MS4A4E: variants seen among roughly 807,000 people sequenced by gnomAD.
The protein encoded by MS4A4E is membrane spanning 4-domains A4E.
A neutral mutation model predicts 13.3 loss-of-function variants in MS4A4E; 23 were observed. That is an observed-to-expected ratio of 1.73 (90% confidence interval 1.25 to 2.45). The LOEUF (loss-of-function observed/expected upper bound fraction) is 2.45. MS4A4E is among the 30% of genes most tolerant of loss of function. MS4A4E has a pLI of 0.00. For synonymous variants in MS4A4E, 36 were observed against 45.6 expected (o/e 0.79, Z 0.85); for missense variants, 144 against 131.2 (o/e 1.10, Z -0.48).
intron 3 of MS4A4E, chr11:60,224,868 A>G: frequency 9.1e-7 from 1 of 1,094,018 alleles, no homozygotes; most frequent in Non-Finnish European, 1.2e-6. Context: ...TCAAATTTAC[A>G]GAATTACAAG....
chr11:60,215,621 A>T (rs572736439), intron 3 of MS4A4E, among the ~76,000 whole-genome samples: 4 of 150,796 alleles, frequency 2.7e-5, no homozygotes, highest in African/African-American at 9.7e-5. Context: ...TTTAATGATT[A>T]AAAAAAAAGT....
intron 8 of MS4A4E, among the ~76,000 whole-genome samples, chr11:60,202,933 G>A (rs1020110951): frequency 6.6e-6 from 1 of 152,084 alleles, no homozygotes; most frequent in Middle Eastern, 3.2e-3. Context: ...AGATTATTCT[G>A]GTATTAAATT....
intron 5 of MS4A4E, among the ~76,000 whole-genome samples, chr11:60,209,457 T>C (rs2084091862): frequency 6.6e-6 from 1 of 152,204 alleles, no homozygotes; most frequent in Admixed American, 6.5e-5. Flanking sequence ...TTGCCCACAC[T>C]GATTTTAGCC....
chr11:60,210,978 A>G (rs1590707274), intron 5 of MS4A4E, among the ~76,000 whole-genome samples: 1 of 152,354 alleles, frequency 6.6e-6, no homozygotes, highest in East Asian at 1.9e-4. Flanking sequence ...GCAACAGCAG[A>G]GCATTAGACC....
intron 5 of MS4A4E, among the ~76,000 whole-genome samples, chr11:60,212,532 A>G (rs2084135929): frequency 6.6e-6 from 1 of 152,040 alleles, no homozygotes; most frequent in African/African-American, 2.4e-5. Flanking sequence ...GATGGTCTCG[A>G]TCTCCTGACC....
chr11:60,217,421 G>T (rs769759948), intron 3 of MS4A4E, among the ~76,000 whole-genome samples: 17 of 147,644 alleles, frequency 1.2e-4, no homozygotes, highest in Non-Finnish European at 2.3e-4. Flanking sequence ...CCTTTTTTTT[G>T]CCAGAAAAAA....
At chr11:60,236,021 C>A (rs551060204) in intron 1 of MS4A4E, among the ~76,000 whole-genome samples, 138 of 152,330 alleles carry the variant, frequency 9.1e-4, no homozygotes, top group African/African-American at 3.2e-3. Flanking sequence ...GCTAAACAGA[C>A]TATTCTTTTC....
chr11:60,207,316 A>G (rs771857921), intron 6 of MS4A4E, among the ~76,000 whole-genome samples: 6 of 152,224 alleles, frequency 3.9e-5, no homozygotes, highest in African/African-American at 1.2e-4. Flanking sequence ...GATTAGGGAA[A>G]CAACATTCCC....
At chr11:60,218,971 T>G (rs980966325) in intron 3 of MS4A4E, among the ~76,000 whole-genome samples, 9 of 152,168 alleles carry the variant, frequency 5.9e-5, no homozygotes, top group African/African-American at 2.2e-4. Flanking sequence ...AAGTTCTAGT[T>G]TATTTGCTTG....
At chr11:60,229,432 C>T (rs1663191509) in intron 2 of MS4A4E, among the ~76,000 whole-genome samples, 1 of 152,180 alleles carries the variant, frequency 6.6e-6, no homozygotes, top group African/African-American at 2.4e-5. Context: ...TAACCTGTCA[C>T]TGTTTTAATT....
chr11:60,237,104 C>G (rs979336727), intron 1 of MS4A4E, among the ~76,000 whole-genome samples: 4 of 152,160 alleles, frequency 2.6e-5, no homozygotes, highest in Non-Finnish European at 5.9e-5. Context: ...TTCCCAGCCT[C>G]CACCCTCTAA....
intron 3 of MS4A4E, among the ~76,000 whole-genome samples, chr11:60,220,572 C>T (rs978036209): frequency 6.6e-6 from 1 of 152,140 alleles, no homozygotes; most frequent in East Asian, 1.9e-4. Context: ...ATATTGATGC[C>T]ATTATACTGA....
At chr11:60,226,299 T>A (rs1481860994) in intron 3 of MS4A4E, among the ~76,000 whole-genome samples, 1 of 151,670 alleles carries the variant, frequency 6.6e-6, no homozygotes, top group Non-Finnish European at 1.5e-5. Flanking sequence ...CTAGCACTAT[T>A]ATCTACCAAA....
chr11:60,223,961 TC>T (rs1288077040), intron 3 of MS4A4E, among the ~76,000 whole-genome samples: 1 of 152,110 alleles, frequency 6.6e-6, no homozygotes, highest in Admixed American at 6.5e-5. Flanking sequence ...ACACTCTCCT[TC>T]AAATCTTTCA....
At chr11:60,236,290 T>A (rs1399420650) in intron 1 of MS4A4E, among the ~76,000 whole-genome samples, 1 of 152,236 alleles carries the variant, frequency 6.6e-6, no homozygotes, top group Non-Finnish European at 1.5e-5. Context: ...TCTGAGTCCC[T>A]TGTATTTCCA....
At chr11:60,219,368 T>C (rs1565122820) in intron 3 of MS4A4E, among the ~76,000 whole-genome samples, 1 of 152,204 alleles carries the variant, frequency 6.6e-6, no homozygotes, top group Non-Finnish European at 1.5e-5. Context: ...ATAGCTACCA[T>C]AATAGACAGA....
chr11:60,229,867 G>A (rs775461702), intron 2 of MS4A4E, 45 bp downstream of exon 2: 9 of 1,553,576 alleles, frequency 5.8e-6, no homozygotes, highest in Non-Finnish European at 7.8e-6. Context: ...TCAAATGTGA[G>A]TTTACAACAC....
chr11:60,224,871 A>G (rs921099128), intron 3 of MS4A4E: 1 of 1,123,692 alleles, frequency 8.9e-7, no homozygotes, highest in Non-Finnish European at 1.2e-6. Context: ...AATTTACAGA[A>G]TTACAAGATA....
intron 3 of MS4A4E, among the ~76,000 whole-genome samples, chr11:60,221,090 G>T (rs2134946005): frequency 1.3e-5 from 2 of 152,286 alleles, no homozygotes; most frequent in Admixed American, 1.3e-4. Context: ...TAGGATTTTG[G>T]AGGAAGGCCC....
Sources: allele counts gnomAD v4.1 joint callset (sites outside exome capture counted in the v4.1 genomes callset), GRCh38; gene constraint gnomAD v4.1.1; transcripts MANE v1.5; gene names NCBI Gene and HGNC (gene_info 2026-07-23, HGNC 2026-07-21).